FRMPD3: variants seen among roughly 807,000 people sequenced by gnomAD.
FRMPD3 encodes FERM and PDZ domain-containing protein 3.
A neutral mutation model predicts 97.9 loss-of-function variants in FRMPD3; 42 were observed. The ratio of observed to expected loss-of-function variants is 0.43; its 90% CI spans 0.34 to 0.55. The LOEUF (loss-of-function observed/expected upper bound fraction) is 0.55. FRMPD3 is among the 20% of genes least tolerant of loss of function. The probability of loss-of-function intolerance (pLI) is 0.03; values close to 1 mark genes in which losing one functional copy is unlikely to be tolerated. For synonymous variants in FRMPD3, 577 were observed against 581.1 expected (o/e 0.99, Z 0.10); for missense variants, 1,303 against 1,457.7 (o/e 0.89, Z 1.73).
In FRMPD3 at chrX:107,600,599, C is replaced by A. The variant is rs185843306; in HGVS notation, c.2560C>A (p.Pro854Thr). 2.4e-5 allele frequency: 29 copies of A among 1,208,539 alleles called. No homozygotes were observed. Among genetic ancestry groups the A allele is most frequent in the East Asian group, 3.0e-5 (1 of 33,707 alleles). The change falls in exon 15 of 15, where the codon CCT becomes ACT. Residue 854 changes from proline to threonine, a missense_variant. Pro to Thr is a conservative substitution (Grantham distance 38, BLOSUM62 -1). Transcript: ENST00000683843. ...PIATGQSPGP[P>T]GARRKLPQSE... ...TGCCACAGGCCAGAGTCCTGGCCCC[C>A]CTGGCGCTCGGAGGAAGCTGCCCCA... is the stretch of plus-strand genomic sequence containing the variant.
At chrX:107,563,294 G>T (rs1001222602) in intron 11 of FRMPD3, 94 bp downstream of exon 11, 3 of 670,717 alleles carry the variant, frequency 4.5e-6, no homozygotes, top group East Asian at 6.7e-5. Context: ...ATTTCTAAAG[G>T]CCTTCGTTCC....
At chrX:107,516,807 T>G (rs1440989396) in intron 1 of FRMPD3, among the ~76,000 whole-genome samples, 1 of 110,914 alleles carries the variant, frequency 9.0e-6, no homozygotes, top group Non-Finnish European at 1.9e-5. Context: ...TTGCAAAAAT[T>G]TTCTCCCATT....
intron 1 of FRMPD3, among the ~76,000 whole-genome samples, chrX:107,471,012 A>G (rs1192112996): frequency 1.8e-5 from 2 of 112,566 alleles, no homozygotes; most frequent in East Asian, 2.8e-4. Context: ...GCCCAGCGCT[A>G]TGGGCGTGGC....
chrX:107,585,491 C>T (rs771774510), intron 13 of FRMPD3, among the ~76,000 whole-genome samples: 6 of 111,215 alleles, frequency 5.4e-5, no homozygotes, highest in African/African-American at 2.0e-4. Context: ...TGAATAGGAG[C>T]GGTGAGAGGG....
At chrX:107,535,112 C>A (rs1024439544) in intron 4 of FRMPD3, among the ~76,000 whole-genome samples, 1 of 112,208 alleles carries the variant, frequency 8.9e-6, no homozygotes, top group South Asian at 3.7e-4. Flanking sequence ...TTTACTACTG[C>A]GATCAGAGAC....
intron 1 of FRMPD3, among the ~76,000 whole-genome samples, chrX:107,485,248 T>C (rs1921474409): frequency 8.9e-6 from 1 of 112,439 alleles, no homozygotes; most frequent in African/African-American, 3.2e-5. Context: ...CCTCTGCTGG[T>C]GAGACAGTTC....
At chrX:107,553,205 A>G (rs972009224) in intron 7 of FRMPD3, among the ~76,000 whole-genome samples, 1 of 109,437 alleles carries the variant, frequency 9.1e-6, no homozygotes, top group Non-Finnish European at 1.9e-5. Flanking sequence ...AGCAGTTGCA[A>G]GTCTCCTGTC....
chrX:107,481,842 A>T (rs926571414), intron 1 of FRMPD3, among the ~76,000 whole-genome samples: 73 of 112,465 alleles, frequency 6.5e-4, no homozygotes, highest in African/African-American at 2.3e-3. Flanking sequence ...AATGCAGTGT[A>T]GTTATAACAC....
At position 107,603,405 on chromosome X, in the gene FRMPD3, A is replaced by G. The variant is rs1365127787; in HGVS notation, c.*32A>G. ...TGCCCACACCTGTCCCCCTTCCCCA[A>G]CCATGGCCCCAGGTTTGAGCTTTGT... On this transcript the variant is annotated 3_prime_UTR_variant, in exon 15 of 15. Coordinates refer to ENST00000683843, the MANE Select transcript of FRMPD3 (RefSeq NM_001388459.1). The G allele has an allele frequency of 8.0e-6, 9 of 1,119,552 alleles. No homozygotes were observed. The East Asian group carries it at 1.7e-4, about 21-fold the overall frequency. 92.3% of individuals were successfully genotyped at this position (1,119,552 alleles called of 1,213,427 possible). A position where few individuals can be genotyped will look rare whatever the true frequency, so the allele number is the denominator to read the frequency against.
intron 14 of FRMPD3, among the ~76,000 whole-genome samples, chrX:107,599,872 T>A (rs904429509): frequency 9.0e-6 from 1 of 111,036 alleles, no homozygotes; most frequent in Non-Finnish European, 1.9e-5. Context: ...CTGGAAATAC[T>A]GCTGGCTAAC....
chrX:107,506,031 G>A (rs767423814), intron 1 of FRMPD3, among the ~76,000 whole-genome samples: 84 of 112,126 alleles, frequency 7.5e-4, no homozygotes, highest in Non-Finnish European at 1.4e-3. Context: ...GCTCCTTTAG[G>A]ACTGCTGCAC....
intron 1 of FRMPD3, among the ~76,000 whole-genome samples, chrX:107,479,141 A>G (rs181311219): frequency 1.7e-4 from 19 of 112,019 alleles, no homozygotes; most frequent in Admixed American, 2.8e-4. Context: ...TGGGATTTGT[A>G]TGGATTTATT....
At chrX:107,478,548 C>T (rs1422544406) in intron 1 of FRMPD3, among the ~76,000 whole-genome samples, 1 of 111,889 alleles carries the variant, frequency 8.9e-6, no homozygotes, top group Non-Finnish European at 1.9e-5. Flanking sequence ...TGTGTTCTCT[C>T]TTGCATTTTC....
intron 11 of FRMPD3, 39 bp from the exon 12 acceptor site, chrX:107,564,848 T>G (rs773386643): frequency 3.5e-5 from 42 of 1,197,458 alleles, no homozygotes; most frequent in Non-Finnish European, 4.6e-5. Context: ...TCCTCCACCC[T>G]TCCTTCTGTG....
rs746580172 is a variant in FRMPD3, at chrX:107,531,500, C to T, written c.251+989C>T. On this transcript the variant is annotated intron_variant, in intron 3 of 14. Coordinates refer to ENST00000683843, the MANE Select transcript of FRMPD3 (RefSeq NM_001388459.1). ...CAAAAGCCCACCTGGTCCCAGAGCT[C>T]TTCCCTTGCCTTCAAAGGCAGACAT... 2.7e-5 allele frequency among the ~76,000 whole-genome samples: 3 copies of T among 111,086 alleles called. No individual in the cohort carries two copies. In the South Asian group the frequency reaches 1.2e-3, roughly 43 times the overall value.
rs1924664918 is a variant in FRMPD3, at chrX:107,603,534, C to T, written c.*161C>T. ...TGGAAACTCTCTTGATTGAGGCTCT[C>T]TCTTAAGGGCTGCAGGCTTAGCTGC... On this transcript the variant is annotated 3_prime_UTR_variant, in exon 15 of 15. Transcript: ENST00000683843. 2.0e-6 allele frequency: 2 copies of T among 1,023,314 alleles called. No individual in the cohort carries two copies. The highest frequency in any genetic ancestry group is 5.6e-5 in the South Asian group (2 of 36,005). 84.3% of individuals were successfully genotyped at this position (1,023,314 alleles called of 1,213,427 possible).
intron 13 of FRMPD3, among the ~76,000 whole-genome samples, chrX:107,595,870 A>T (rs4826903): frequency 9.6e-6 from 1 of 104,626 alleles, no homozygotes; most frequent in Non-Finnish European, 1.9e-5. Flanking sequence ...CCCAGGAGGC[A>T]GAGGCTGCAG....
At position 107,604,406 on chromosome X, in the gene FRMPD3, G is replaced by A. The variant is rs1833356030; in HGVS notation, c.*1033G>A. ...CTTTTGGCTGTGTATTGACCCTGTGGATTTGTCTCTCTAAGAAAAGAAGCT... is the reference window on the plus strand; with the variant it reads ...CTTTTGGCTGTGTATTGACCCTGTGAATTTGTCTCTCTAAGAAAAGAAGCT... On this transcript the variant is annotated 3_prime_UTR_variant, in exon 15 of 15. Transcript: ENST00000683843. 1 of 110,008 alleles carries A rather than the reference G, an allele frequency of 9.1e-6. No homozygotes were observed. Among genetic ancestry groups the A allele is most frequent in the Admixed American group, 9.7e-5 (1 of 10,337 alleles). 9.1% of individuals were successfully genotyped at this position (110,008 alleles called of 1,213,427 possible). A position where few individuals can be genotyped will look rare whatever the true frequency, so the allele number is the denominator to read the frequency against.
intron 1 of FRMPD3, chrX:107,525,764 T>C (rs1922668750): frequency 2.0e-6 from 1 of 494,301 alleles, no homozygotes; most frequent in African/African-American, 2.3e-5. Context: ...CAACTTAAGA[T>C]GTATTCAAGT....
Sources: allele counts gnomAD v4.1 joint callset (sites outside exome capture counted in the v4.1 genomes callset), GRCh38; gene constraint gnomAD v4.1.1; transcripts MANE v1.5; gene names NCBI Gene and HGNC (gene_info 2026-07-23, HGNC 2026-07-21).